The following ATP2B2 variants were observed in gnomAD, a reference collection of about 807,000 sequenced individuals.
ATP2B2 encodes ATPase plasma membrane Ca2+ transporting 2.
ATP2B2 carries 15 observed loss-of-function variants against 120.0 expected under a neutral mutation model. That is an observed-to-expected ratio of 0.12 (90% confidence interval 0.08 to 0.19). The LOEUF (loss-of-function observed/expected upper bound fraction) is 0.19. Among genes scored for constraint, ATP2B2 ranks in the 10% least tolerant of loss-of-function variants. The pLI, the probability that ATP2B2 is intolerant of heterozygous loss-of-function variation, is 1.00. For missense variants in ATP2B2, 1,045 were observed against 1,719.8 expected (o/e 0.61, Z 6.94); for synonymous variants, 694 against 700.3 (o/e 0.99, Z 0.14).
At chr3:10,451,776 A>T (rs2064061203) in intron 1 of ATP2B2, among the ~76,000 whole-genome samples, 1 of 152,220 alleles carries the variant, frequency 6.6e-6, no homozygotes, top group Admixed American at 6.5e-5. Flanking sequence ...CATGGATGGA[A>T]CACACACCAT....
At chr3:10,579,804 C>T (rs544719623) in intron 2 of ATP2B2, among the ~76,000 whole-genome samples, 4 of 66,118 alleles carry the variant, frequency 6.0e-5, no homozygotes, top group African/African-American at 1.4e-4. Flanking sequence ...AGCGAGACTC[C>T]GTCTTGAAAA....
chr3:10,326,583 TTTCC>T lies in ATP2B2; in HGVS notation c.*2227_*2230del, dbSNP rs2059861623. 1 of 397,840 alleles carries T rather than the reference TTTCC, an allele frequency of 2.5e-6. No homozygotes were observed. Among genetic ancestry groups the T allele is most frequent in the Admixed American group, 4.4e-5 (1 of 22,714 alleles). The allele number at this position is 397,840 out of a possible 1,614,324, so 24.6% of individuals were successfully genotyped here. On this transcript the variant is annotated 3_prime_UTR_variant, in exon 23 of 23. Coordinates refer to ENST00000360273, the MANE Select transcript of ATP2B2 (RefSeq NM_001001331.4). ...GCCCCATGTTTTACACGTGCAGATC[TTTCC>T]TTCCTTGTAGGAGAGCAGTGGGCTG... is the stretch of plus-strand genomic sequence containing the variant.
At chr3:10,366,978 G>A (rs2061078660) in intron 12 of ATP2B2, among the ~76,000 whole-genome samples, 1 of 152,252 alleles carries the variant, frequency 6.6e-6, no homozygotes, top group South Asian at 2.1e-4. Flanking sequence ...TCTCAGAAAG[G>A]ATGGGGCACA....
intron 2 of ATP2B2, among the ~76,000 whole-genome samples, chr3:10,573,257 G>T (rs1468414879): frequency 6.6e-6 from 1 of 151,680 alleles, no homozygotes; most frequent in African/African-American, 2.4e-5. Context: ...CATTAGTAAT[G>T]CAATGAATAA....
At chr3:10,549,811 T>A (rs191138961) in intron 2 of ATP2B2, among the ~76,000 whole-genome samples, 5 of 152,082 alleles carry the variant, frequency 3.3e-5, no homozygotes, top group Admixed American at 6.5e-5. Flanking sequence ...CCAGGGAAGA[T>A]AGAAAAGTGA....
At chr3:10,583,014 C>A (rs2068426346) in intron 2 of ATP2B2, among the ~76,000 whole-genome samples, 1 of 152,246 alleles carries the variant, frequency 6.6e-6, no homozygotes, top group Admixed American at 6.5e-5. Flanking sequence ...AGCAGGCCCT[C>A]AATCTCTAAT....
At chr3:10,331,134 A>G (rs1379467376) in intron 22 of ATP2B2, among the ~76,000 whole-genome samples, 1 of 152,220 alleles carries the variant, frequency 6.6e-6, no homozygotes, top group Non-Finnish European at 1.5e-5. Flanking sequence ...GTGCCAAATA[A>G]GAGCCAGCCA....
intron 6 of ATP2B2, 29 bp from the exon 7 acceptor site, chr3:10,386,541 T>A: frequency 6.2e-7 from 1 of 1,613,936 alleles, no homozygotes; most frequent in Non-Finnish European, 8.5e-7. Context: ...GACATGTTAA[T>A]GAAGGAGAAG....
In ATP2B2 at chr3:10,347,979, C is replaced by T. The variant is rs1241551988; in HGVS notation, c.2405-1842G>A. ...CCTTCCTTGTCTTCCCGGCACCACTCCCCACTGACCATCCTCCTGCCCCTC... is the reference window on the plus strand; with the variant it reads ...CCTTCCTTGTCTTCCCGGCACCACTTCCCACTGACCATCCTCCTGCCCCTC... On this transcript the variant is annotated intron_variant, in intron 16 of 22. Transcript: ENST00000360273. The surrounding 1 kb of genome is among the most constrained non-coding windows in gnomAD (Gnocchi z 5.2). 6.6e-6 allele frequency among the ~76,000 whole-genome samples: 1 copy of T among 152,084 alleles called. No homozygotes were observed. Among genetic ancestry groups the T allele is most frequent in the East Asian group, 1.9e-4 (1 of 5,174 alleles).
intron 2 of ATP2B2, among the ~76,000 whole-genome samples, chr3:10,593,452 G>A (rs1223393020): frequency 6.6e-6 from 1 of 152,200 alleles, no homozygotes; most frequent in Non-Finnish European, 1.5e-5. Flanking sequence ...TGTCTGTGCA[G>A]AAACATGTCT....
chr3:10,472,046 A>C (rs1333360993), intron 1 of ATP2B2, among the ~76,000 whole-genome samples: 1 of 142,108 alleles, frequency 7.0e-6, no homozygotes, highest in East Asian at 2.1e-4. Flanking sequence ...GCGCCACTGC[A>C]CTCCCGCCTG....
At chr3:10,529,257 G>A (rs897799394) in intron 3 of ATP2B2, among the ~76,000 whole-genome samples, 10 of 152,224 alleles carry the variant, frequency 6.6e-5, no homozygotes, top group African/African-American at 2.4e-4. Context: ...TTTCTCTCAC[G>A]CTTTGAAGAT....
At position 10,402,638 on chromosome 3, in the gene ATP2B2, C is replaced by CCAGG. The variant is rs1259814660; in HGVS notation, c.398-294_398-291dup. ...GCAAGTAGGAAGCTGGAATGTGAACCCAGGCAGTCTGGCTTCAGAGCCCAC... is the reference window on the plus strand; with the variant it reads ...GCAAGTAGGAAGCTGGAATGTGAACCCAGGCAGGCAGTCTGGCTTCAGAGCCCAC... On this transcript the variant is annotated intron_variant, in intron 3 of 22. Coordinates refer to ENST00000360273, the MANE Select transcript of ATP2B2 (RefSeq NM_001001331.4). The surrounding 1 kb of genome is among the most constrained non-coding windows in gnomAD (Gnocchi z 4.9). Among the ~76,000 whole-genome samples, 1 of 152,230 alleles carries CCAGG rather than the reference C, an allele frequency of 6.6e-6. No individual in the cohort carries two copies. Among genetic ancestry groups the CCAGG allele is most frequent in the Non-Finnish European group, 1.5e-5 (1 of 68,040 alleles).
rs2069635420 is a variant in ATP2B2 at position 10,624,390 on chromosome 3, T to C, written c.-459-4429A>G. 2.6e-5 allele frequency among the ~76,000 whole-genome samples: 4 copies of C among 152,150 alleles called. No homozygotes were observed. The South Asian group carries it at 8.3e-4, about 32-fold the overall frequency. On this transcript the variant is annotated intron_variant, in intron 1 of 21. Transcript: ENST00000646379. ...CTTCCAGCTCTCAGGACAGGTGCTATGTCTGGGTCTCCATCACAAGAATCC... is the reference window on the plus strand; with the variant it reads ...CTTCCAGCTCTCAGGACAGGTGCTACGTCTGGGTCTCCATCACAAGAATCC...
intron 1 of ATP2B2, among the ~76,000 whole-genome samples, chr3:10,629,308 A>C (rs2069797128): frequency 6.6e-6 from 1 of 152,222 alleles, no homozygotes; most frequent in South Asian, 2.1e-4. Flanking sequence ...GCACACGTCT[A>C]CAAATCACCG....
intron 1 of ATP2B2, among the ~76,000 whole-genome samples, chr3:10,648,959 C>T (rs1164132579): frequency 6.6e-6 from 1 of 152,244 alleles, no homozygotes; most frequent in Non-Finnish European, 1.5e-5. Context: ...CCAGAGATGA[C>T]CATGACCATG....
In ATP2B2 at chr3:10,545,117, A is replaced by C. The variant is rs144471985; in HGVS notation, c.-414-10984T>G. 4.5e-4 allele frequency among the ~76,000 whole-genome samples: 68 copies of C among 152,376 alleles called. No homozygotes were observed. In the East Asian group the frequency reaches 0.012, roughly 27 times the overall value. On this transcript the variant is annotated intron_variant, in intron 2 of 21. Transcript: ENST00000646379. ...TCTGAGAAACAATGTTTCCCAGTAG[A>C]AGAAAGTCGGAAAGAAGCGAGTCTC...
At chr3:10,619,770 A>T (rs2125622299) in intron 2 of ATP2B2, 1 of 152,256 alleles carries the variant, frequency 6.6e-6, no homozygotes, top group South Asian at 2.1e-4. Flanking sequence ...AGTGTTGGGT[A>T]GTTGGGGTGG....
chr3:10,484,696 G>A (rs1034558235), intron 1 of ATP2B2, among the ~76,000 whole-genome samples: 1 of 152,190 alleles, frequency 6.6e-6, no homozygotes, highest in South Asian at 2.1e-4. Flanking sequence ...CTCTGAGGCT[G>A]TAGCTGAATT....
Sources: allele counts gnomAD v4.1 joint callset (sites outside exome capture counted in the v4.1 genomes callset), GRCh38; gene constraint gnomAD v4.1.1; non-coding constraint Gnocchi (gnomAD v3.1); transcripts MANE v1.5; gene names NCBI Gene and HGNC (gene_info 2026-07-23, HGNC 2026-07-21).